The following PARPBP variants were observed in gnomAD, a reference collection of about 807,000 sequenced individuals.
PARPBP encodes PCNA-interacting partner.
PARPBP carries 52 observed loss-of-function variants against 50.0 expected under a neutral mutation model. That is an observed-to-expected ratio of 1.04 (90% CI 0.83 to 1.31). PARPBP has a LOEUF of 1.31. Among genes scored for constraint, PARPBP ranks in the 50% most tolerant of loss-of-function variants. The pLI is 0.00. For missense variants in PARPBP, 697 were observed against 672.0 expected (o/e 1.04, Z -0.41); for synonymous variants, 244 against 232.1 (o/e 1.05, Z -0.47).
At chr12:102,126,672 A>G (rs530710840) in intron 2 of PARPBP, among the ~76,000 whole-genome samples, 2 of 152,314 alleles carry the variant, frequency 1.3e-5, no homozygotes, top group South Asian at 4.1e-4. Flanking sequence ...CTGTAGTCCC[A>G]GCTACTCGGG....
chr12:102,189,424 G>T (rs182421421), intron 9 of PARPBP, among the ~76,000 whole-genome samples: 2 of 152,320 alleles, frequency 1.3e-5, no homozygotes, highest in East Asian at 3.9e-4. Flanking sequence ...CTAGTCACAT[G>T]TGGCTATTGA....
intron 6 of PARPBP, among the ~76,000 whole-genome samples, chr12:102,170,622 A>T (rs547777693): frequency 2.0e-5 from 3 of 152,352 alleles, no homozygotes; most frequent in Non-Finnish European, 4.4e-5. Context: ...GTGAGTGAAT[A>T]TGAAGGCCTG....
At chr12:102,152,638 TAAGAG>T (rs1886355578) in intron 3 of PARPBP, among the ~76,000 whole-genome samples, 1 of 152,144 alleles carries the variant, frequency 6.6e-6, no homozygotes, top group Non-Finnish European at 1.5e-5. Context: ...CAGATAAAAA[TAAGAG>T]AAGGTTATTA....
intron 9 of PARPBP, among the ~76,000 whole-genome samples, chr12:102,184,866 A>C (rs1024246574): frequency 7.2e-5 from 11 of 152,184 alleles, no homozygotes; most frequent in Non-Finnish European, 1.6e-4. Flanking sequence ...GTAGTTTAGC[A>C]GCTGATTATC....
At chr12:102,158,649 A>G (rs1887225543) in intron 4 of PARPBP, among the ~76,000 whole-genome samples, 1 of 149,566 alleles carries the variant, frequency 6.7e-6, no homozygotes, top group South Asian at 2.1e-4. Flanking sequence ...GATGCTCCAA[A>G]TCTTGACAAA....
chr12:102,188,596 A>T (rs182141210), intron 9 of PARPBP, among the ~76,000 whole-genome samples: 137 of 152,274 alleles, frequency 9.0e-4, no homozygotes, highest in Non-Finnish European at 1.5e-3. Context: ...TGTAGCTTCT[A>T]GAGTTCCTTT....
Position 102,151,857 on chromosome 12 carries a change from A to C in PARPBP, c.388-2012A>C. The C allele has an allele frequency of 2.4e-6, 3 of 1,270,472 alleles. No individual in the cohort carries two copies. In the African/African-American group the frequency reaches 4.4e-5, roughly 19 times the overall value. The allele number at this position is 1,270,472 out of a possible 1,614,324, so 78.7% of individuals were successfully genotyped here. A position where few individuals can be genotyped will look rare whatever the true frequency, so the allele number is the denominator to read the frequency against. On this transcript the variant is annotated intron_variant, in intron 3 of 10. Coordinates refer to ENST00000327680, the MANE Select transcript of PARPBP (RefSeq NM_017915.5). ...ACATTGAAGAAGCCACCTGGCACCA[A>C]CTCACTGTCCAAGCTGAGAAGAAGG...
intron 4 of PARPBP, among the ~76,000 whole-genome samples, chr12:102,160,073 A>G (rs1270895116): frequency 6.6e-6 from 1 of 152,208 alleles, no homozygotes; most frequent in Non-Finnish European, 1.5e-5. Flanking sequence ...TTGCTCTTGG[A>G]CATCATAACT....
At chr12:102,195,837 TAC>T in intron 10 of PARPBP, 112 bp from the exon 11 acceptor site, 1 of 576,118 alleles carries the variant, frequency 1.7e-6, no homozygotes, top group Non-Finnish European at 2.9e-6. Context: ...AGCATTATTT[TAC>T]TTTAAAAATT....
In PARPBP at chr12:102,124,061, G is replaced by A. The variant is rs1346901666; in HGVS notation, c.153+20G>A. 6.6e-7 allele frequency: 1 copy of A among 1,519,328 alleles called. No homozygotes were observed. Among genetic ancestry groups the A allele is most frequent in the Non-Finnish European group, 8.8e-7 (1 of 1,136,254 alleles). 94.1% of individuals were successfully genotyped at this position (1,519,328 alleles called of 1,614,324 possible). A position where few individuals can be genotyped will look rare whatever the true frequency, so the allele number is the denominator to read the frequency against. On this transcript the variant is annotated intron_variant, in intron 2 of 10. Transcript: ENST00000327680. ...AAACAGGTTGGTAAACTATATTTGG[G>A]TTAACTTGTTTTTTTAAAGCAAAAT...
At chr12:102,135,278 C>T (rs148411147) in intron 2 of PARPBP, among the ~76,000 whole-genome samples, 81 of 152,228 alleles carry the variant, frequency 5.3e-4, no homozygotes, top group African/African-American at 1.8e-3. Flanking sequence ...GGCATGGTGG[C>T]TCACGCCTGT....
At chr12:102,130,603 G>A (rs766575251) in intron 2 of PARPBP, among the ~76,000 whole-genome samples, 1 of 152,088 alleles carries the variant, frequency 6.6e-6, no homozygotes, top group Non-Finnish European at 1.5e-5. Flanking sequence ...CATGTAATCT[G>A]AGTACTTTGG....
intron 2 of PARPBP, among the ~76,000 whole-genome samples, chr12:102,139,110 C>T (rs1365804996): frequency 6.6e-6 from 1 of 152,218 alleles, no homozygotes; most frequent in African/African-American, 2.4e-5. Flanking sequence ...TTGATTCTTC[C>T]TGTCCATGAG....
intron 1 of PARPBP, among the ~76,000 whole-genome samples, chr12:102,123,040 C>T (rs1245495279): frequency 1.3e-5 from 2 of 152,166 alleles, no homozygotes; most frequent in African/African-American, 4.8e-5. Context: ...AGTGGTCATA[C>T]AGGACACAAT....
chr12:102,197,123 G>A lies in PARPBP; in HGVS notation c.*832G>A. The stretch of plus-strand genomic sequence containing the variant: ...AGTGCAAGATAAGGTTTTATAGCCA[G>A]ATTCAGTGGCAGACCATGATTTAAG... On this transcript the variant is annotated 3_prime_UTR_variant, in exon 11 of 11. Coordinates refer to ENST00000327680, the MANE Select transcript of PARPBP (RefSeq NM_017915.5). 1 of 1,612,272 alleles carries A rather than the reference G, an allele frequency of 6.2e-7. No homozygotes were observed. The highest frequency in any genetic ancestry group is 8.5e-7 in the Non-Finnish European group (1 of 1,178,680).
chr12:102,183,546 T>G (rs1313648113), intron 9 of PARPBP, among the ~76,000 whole-genome samples: 1 of 152,122 alleles, frequency 6.6e-6, no homozygotes, highest in Non-Finnish European at 1.5e-5. Flanking sequence ...CATCATTGAG[T>G]TTCATAAAAT....
chr12:102,184,228 T>C (rs1435817129), intron 9 of PARPBP, among the ~76,000 whole-genome samples: 4 of 152,056 alleles, frequency 2.6e-5, no homozygotes, highest in Non-Finnish European at 5.9e-5. Flanking sequence ...TATATGTTTA[T>C]GGGATACATG....
At chr12:102,166,720 C>T (rs1310004897) in intron 6 of PARPBP, among the ~76,000 whole-genome samples, 1 of 152,056 alleles carries the variant, frequency 6.6e-6, no homozygotes. Flanking sequence ...ACTGTGCATC[C>T]ATTCTCTTAA....
intron 9 of PARPBP, among the ~76,000 whole-genome samples, chr12:102,189,934 C>T (rs1038122723): frequency 1.3e-5 from 2 of 152,104 alleles, no homozygotes; most frequent in Non-Finnish European, 2.9e-5. Context: ...TTTAGGTTTT[C>T]TCTGCATGTA....
Sources: allele counts gnomAD v4.1 joint callset (sites outside exome capture counted in the v4.1 genomes callset), GRCh38; gene constraint gnomAD v4.1.1; transcripts MANE v1.5; gene names NCBI Gene and HGNC (gene_info 2026-07-23, HGNC 2026-07-21).